RYR2: variants seen among roughly 807,000 people sequenced by gnomAD.
RYR2 encodes ryanodine receptor 2.
Under a neutral mutation model 601.1 loss-of-function variants are expected in RYR2, and 227 were observed. The observed-to-expected ratio is 0.38, with a 90% CI of 0.34 to 0.42. RYR2 has a LOEUF of 0.42. Among genes scored for constraint, RYR2 ranks in the 10% least tolerant of loss-of-function variants. The pLI is 1.00. For synonymous variants in RYR2, 2,223 were observed against 2,175.1 expected (o/e 1.02, Z -0.61); for missense variants, 4,646 against 6,156.5 (o/e 0.75, Z 8.21).
At chr1:237,310,145 TG>T (rs1211229702) in intron 2 of RYR2, among the ~76,000 whole-genome samples, 1 of 152,202 alleles carries the variant, frequency 6.6e-6, no homozygotes, top group East Asian at 1.9e-4. Context: ...GAGCGAGGGC[TG>T]CCAGCACGCT....
At position 237,786,496 on chromosome 1, in the gene RYR2, C is replaced by T. The variant is rs192492953; in HGVS notation, c.13328+460C>T. Among the ~76,000 whole-genome samples the T allele has an allele frequency of 3.9e-5, 6 of 152,326 alleles. No homozygotes were observed. The East Asian group carries it at 5.8e-4, about 15-fold the overall frequency. On this transcript the variant is annotated intron_variant, in intron 91 of 104. Transcript: ENST00000366574. ...CCAGGACCACATGCATAAAAGTCCC[C>T]GGGAGAGTTGGTTAAAACAAACATT...
At chr1:237,478,365 G>C (rs1279821756) in intron 17 of RYR2, among the ~76,000 whole-genome samples, 1 of 152,134 alleles carries the variant, frequency 6.6e-6, no homozygotes, top group East Asian at 1.9e-4. Context: ...CTGTCAATGG[G>C]AATGGTAAAA....
intron 2 of RYR2, among the ~76,000 whole-genome samples, chr1:237,284,790 A>G (rs1256085664): frequency 6.6e-6 from 1 of 151,388 alleles, no homozygotes; most frequent in African/African-American, 2.4e-5. Flanking sequence ...TTCTGCAGCT[A>G]TTGTAAAAGG....
rs145608244 is a variant in RYR2, at chr1:237,521,212, A to G, written c.2823-9215A>G. ...TCCCTAACCGCTCTATGAAGCCAGT[A>G]TCACCCTGGTACCAAAACCAGACAA... On this transcript the variant is annotated intron_variant, in intron 24 of 104. Transcript: ENST00000366574. 7.4e-4 allele frequency among the ~76,000 whole-genome samples: 112 copies of G among 152,322 alleles called. 1 individual carries two copies. The highest frequency in any genetic ancestry group is 2.6e-3 in the African/African-American group (108 of 41,580).
Position 237,718,512 on chromosome 1 carries a change from A to C in RYR2, c.10545A>C (p.Leu3515Phe). ...ATATAATCCGCAGCAATATTCATTT[A>C]CAAGGCAAGGTAAGCCAAATTTTAT... is the stretch of plus-strand genomic sequence containing the variant. ...VRDIIRSNIH[L>F]QGKLEDPAIR... The change falls in exon 73 of 105, where the codon TTA becomes TTC. Residue 3515 changes from leucine to phenylalanine, a missense_variant. Physicochemically the swap from Leu to Phe is conservative, Grantham distance 22. Transcript: ENST00000366574. The C allele has an allele frequency of 6.3e-7, 1 of 1,593,740 alleles. No individual in the cohort carries two copies. Among genetic ancestry groups the C allele is most frequent in the Non-Finnish European group, 8.6e-7 (1 of 1,162,298 alleles).
At chr1:237,714,360 A>G (rs1054611777) in intron 71 of RYR2, among the ~76,000 whole-genome samples, 1 of 152,236 alleles carries the variant, frequency 6.6e-6, no homozygotes, top group African/African-American at 2.4e-5. Context: ...TACGAGAGAA[A>G]GAAACTGATA....
intron 2 of RYR2, among the ~76,000 whole-genome samples, chr1:237,314,951 A>G (rs1048617546): frequency 2.0e-5 from 3 of 152,234 alleles, no homozygotes; most frequent in Non-Finnish European, 4.4e-5. Context: ...ATGATGGATT[A>G]TACTATTAAT....
At chr1:237,404,781 C>T (rs1703708263) in intron 10 of RYR2, among the ~76,000 whole-genome samples, 1 of 152,178 alleles carries the variant, frequency 6.6e-6, no homozygotes, top group Non-Finnish European at 1.5e-5. Flanking sequence ...GTCTTAGCTT[C>T]AAGGTGTGTG....
In RYR2 at chr1:237,657,963, T is replaced by C. The variant is rs1296293752; in HGVS notation, c.8149T>C (p.Leu2717=). 3.3e-6 allele frequency: 5 copies of C among 1,514,850 alleles called. No homozygotes were observed. Among genetic ancestry groups the C allele is most frequent in the Admixed American group, 2.2e-5 (1 of 45,678 alleles). 93.8% of individuals were successfully genotyped at this position (1,514,850 alleles called of 1,614,324 possible). A position where few individuals can be genotyped will look rare whatever the true frequency, so the allele number is the denominator to read the frequency against. ...TCATAGTATTACAATTCCTGAGAAA[T>C]TGGAATACTTCATTAACAAATATGC... is the stretch of plus-strand genomic sequence containing the variant. The part of the protein sequence containing the change: ...DTSNITIPEK[L]EYFINKYAEH... The change falls in exon 54 of 105, where the codon TTG becomes CTG. Residue 2717 remains leucine, a synonymous_variant. Transcript: ENST00000366574.
intron 1 of RYR2, among the ~76,000 whole-genome samples, chr1:237,189,445 T>C (rs1679728921): frequency 6.6e-6 from 1 of 152,226 alleles, no homozygotes; most frequent in Non-Finnish European, 1.5e-5. Context: ...GGATGGAATA[T>C]GTCCCCACAA....
At chr1:237,715,469 T>C (rs1274307277) in intron 71 of RYR2, among the ~76,000 whole-genome samples, 1 of 152,228 alleles carries the variant, frequency 6.6e-6, no homozygotes, top group East Asian at 1.9e-4. Context: ...AAATTATTGT[T>C]TGTGTATAAG....
intron 27 of RYR2, among the ~76,000 whole-genome samples, chr1:237,560,160 C>T (rs1484977591): frequency 6.6e-6 from 1 of 152,252 alleles, no homozygotes; most frequent in Non-Finnish European, 1.5e-5. Context: ...TGGGCATGAG[C>T]ATGGCCTTCT....
chr1:237,465,664 G>A (rs1178404258), intron 16 of RYR2, among the ~76,000 whole-genome samples: 1 of 152,080 alleles, frequency 6.6e-6, no homozygotes, highest in Non-Finnish European at 1.5e-5. Context: ...ATGCTATACG[G>A]GATGGCCTAC....
chr1:237,743,495 C>T (rs778390877), intron 80 of RYR2: 1 of 465,926 alleles, frequency 2.1e-6, no homozygotes, highest in African/African-American at 2.0e-5. Flanking sequence ...CTGTGAGCAG[C>T]AGATAATATT....
intron 8 of RYR2, among the ~76,000 whole-genome samples, chr1:237,386,365 T>C (rs1701958558): frequency 4.6e-5 from 7 of 152,170 alleles, no homozygotes; most frequent in Admixed American, 4.6e-4. Flanking sequence ...ACACCTAAGG[T>C]GACTACTTTA....
At chr1:237,831,819 C>T (rs1021903263) in intron 104 of RYR2, among the ~76,000 whole-genome samples, 10 of 151,472 alleles carry the variant, frequency 6.6e-5, no homozygotes, top group Admixed American at 1.3e-4. Flanking sequence ...GTTTTGAATT[C>T]CATTATTTTG....
Position 237,717,369 on chromosome 1 carries a change from G to T in RYR2, c.10494+1G>T, listed in dbSNP as rs1206925688. ...TCTGGCCAAAAATCGATTTAGCCTG[G>T]TAAGTCTCCTTTTCATCCCAGCGGT... On this transcript the variant is annotated splice_donor_variant, in intron 72 of 104. Coordinates refer to ENST00000366574, the MANE Select transcript of RYR2 (RefSeq NM_001035.3). LOFTEE classifies it high-confidence loss of function. The T allele has an allele frequency of 1.3e-6, 2 of 1,597,892 alleles. No individual in the cohort carries two copies.
At chr1:237,757,593 T>G (rs1337265975) in intron 81 of RYR2, 104 bp from the exon 82 acceptor site, 1 of 742,650 alleles carries the variant, frequency 1.3e-6, no homozygotes, top group Admixed American at 2.0e-5. Flanking sequence ...ACAGATTGCC[T>G]GGGGGGGCAT....
intron 1 of RYR2, among the ~76,000 whole-genome samples, chr1:237,130,682 C>T (rs1474832614): frequency 6.2e-5 from 9 of 145,346 alleles, no homozygotes; most frequent in Admixed American, 2.1e-4. Flanking sequence ...GGTGACAGAG[C>T]GAGACTCTGT....
Sources: allele counts gnomAD v4.1 joint callset (sites outside exome capture counted in the v4.1 genomes callset), GRCh38; gene constraint gnomAD v4.1.1; transcripts MANE v1.5; gene names NCBI Gene and HGNC (gene_info 2026-07-23, HGNC 2026-07-21).